Variants in NPLOC4 observed in about 807,000 individuals in gnomAD.
NPLOC4 encodes the protein nuclear protein localization protein 4 homolog.
A neutral mutation model predicts 80.6 loss-of-function variants in NPLOC4; 18 were observed. That is an observed-to-expected ratio of 0.22 (90% CI 0.15 to 0.33). The LOEUF is 0.33. NPLOC4 is among the 10% of genes least tolerant of loss of function. NPLOC4 has a pLI of 1.00. For synonymous variants in NPLOC4, 313 were observed against 301.5 expected, an observed-to-expected ratio of 1.04 and a Z score of -0.39; for missense variants, 540 against 786.1, an observed-to-expected ratio of 0.69 and a Z score of 3.74.
intron 2 of NPLOC4, among the ~76,000 whole-genome samples, chr17:81,625,175 AAGG>A (rs1169040661): frequency 2.0e-5 from 3 of 152,180 alleles, no homozygotes; most frequent in Non-Finnish European, 2.9e-5. Context: ...GAGAGAAAGG[AAGG>A]AGGTCAGAGT....
intron 11 of NPLOC4, among the ~76,000 whole-genome samples, chr17:81,595,602 T>C (rs980847175): frequency 2.3e-4 from 35 of 151,538 alleles, no homozygotes; most frequent in African/African-American, 8.5e-4. Flanking sequence ...TGGAGTGCAC[T>C]GGCACAAACT....
chr17:81,580,772 C>T lies in NPLOC4; in HGVS notation c.1281+8172G>A, dbSNP rs1467123952. Among the ~76,000 whole-genome samples the T allele has an allele frequency of 6.6e-6, 1 of 152,208 alleles. No individual in the cohort carries two copies. Among genetic ancestry groups the T allele is most frequent in the Non-Finnish European group, 1.5e-5 (1 of 68,042 alleles). On this transcript the variant is annotated intron_variant, in intron 12 of 16. Coordinates refer to ENST00000331134, the MANE Select transcript of NPLOC4 (RefSeq NM_017921.4). The surrounding 1 kb of genome is among the most constrained non-coding windows in gnomAD (Gnocchi z 4.4). ...ATTCTCCATGAACTCCAGGGCCTGG[C>T]AATTCACAGGTGTTCTCTAAACATG... is the stretch of plus-strand genomic sequence containing the variant.
intron 12 of NPLOC4, among the ~76,000 whole-genome samples, chr17:81,584,290 A>G (rs1020217640): frequency 3.3e-5 from 5 of 152,224 alleles, no homozygotes; most frequent in South Asian, 4.1e-4. Context: ...AAGTATTTCT[A>G]GCCTATTCTC....
rs2033743449 is a variant in NPLOC4, at chr17:81,558,905, T to TG, written c.*353dup. 1 of 190,978 alleles carries TG rather than the reference T, an allele frequency of 5.2e-6. No individual in the cohort carries two copies. The highest frequency in any genetic ancestry group is 1.1e-5 in the Non-Finnish European group (1 of 93,968). 11.8% of individuals were successfully genotyped at this position (190,978 alleles called of 1,614,324 possible). On this transcript the variant is annotated 3_prime_UTR_variant, in exon 17 of 17. Transcript: ENST00000331134. ...AAAGCACTGAAAATAAAGAGAAGGC[T>TG]GGGTGGTGGCAGCATCGGCCCCTCC...
At chr17:81,630,133 T>G (rs1413661187) in intron 1 of NPLOC4, among the ~76,000 whole-genome samples, 1 of 149,304 alleles carries the variant, frequency 6.7e-6, no homozygotes, top group Non-Finnish European at 1.5e-5. Context: ...AAACCCACCA[T>G]GAACCATGAA....
intron 1 of NPLOC4, among the ~76,000 whole-genome samples, chr17:81,634,136 T>C (rs1218677557): frequency 1.3e-5 from 2 of 151,550 alleles, no homozygotes; most frequent in African/African-American, 2.4e-5. Context: ...CCTTCCAAAG[T>C]GCTAGGATTA....
In NPLOC4 at chr17:81,610,263, G is replaced by A. The variant is rs2035307455; in HGVS notation, c.387-5C>T. Reference sequence around the variant, plus strand: ...CCCAAAGGGCCGTGGCGGCATCTGAGGAGAGTACAAGGCAGAAAAAGGCAG... The same window carrying A: ...CCCAAAGGGCCGTGGCGGCATCTGAAGAGAGTACAAGGCAGAAAAAGGCAG... On this transcript the variant is annotated splice_polypyrimidine_tract_variant and splice_region_variant and intron_variant, in intron 4 of 16. Coordinates refer to ENST00000331134, the MANE Select transcript of NPLOC4 (RefSeq NM_017921.4). 3 of 1,569,356 alleles carry A rather than the reference G, an allele frequency of 1.9e-6. No homozygotes were observed. Among genetic ancestry groups the A allele is most frequent in the Non-Finnish European group, 2.6e-6 (3 of 1,157,634 alleles).
chr17:81,628,743 A>G (rs1288828997), intron 2 of NPLOC4, among the ~76,000 whole-genome samples: 3 of 152,210 alleles, frequency 2.0e-5, no homozygotes, highest in East Asian at 1.9e-4. Context: ...ATATGCAACT[A>G]TCACAGTAAA....
rs560216917 is a variant in NPLOC4 at position 81,580,880 on chromosome 17, C to T, written c.1281+8064G>A. On this transcript the variant is annotated intron_variant, in intron 12 of 16. Transcript: ENST00000331134. This position sits in a 1 kb window ranked among gnomAD's most constrained non-coding sequence, Gnocchi z 4.4. ...TTGGCCACCCAAACACAACAGCTCT[C>T]GCTCCCCGCTCAGCTCTGAAGGGCC... Among the ~76,000 whole-genome samples the T allele has an allele frequency of 3.3e-5, 5 of 152,326 alleles. No individual in the cohort carries two copies. The highest frequency in any genetic ancestry group is 4.8e-5 in the African/African-American group (2 of 41,586).
At chr17:81,613,145 A>C in intron 4 of NPLOC4, 173 bp downstream of exon 4, 1 of 555,930 alleles carries the variant, frequency 1.8e-6, no homozygotes. Flanking sequence ...AAAAACAAAA[A>C]CCGATAAAAA....
At chr17:81,595,536 T>TATA (rs1568139932) in intron 11 of NPLOC4, among the ~76,000 whole-genome samples, 1 of 112,642 alleles carries the variant, frequency 8.9e-6, no homozygotes, top group African/African-American at 3.5e-5. Flanking sequence ...ATATATATAT[T>TATA]TTTTTTTTCT....
chr17:81,627,971 G>A (rs62074735), intron 2 of NPLOC4, among the ~76,000 whole-genome samples: 12,129 of 151,888 alleles, frequency 0.08, 558 homozygotes, highest in Middle Eastern at 0.17. Context: ...AAATATCCTT[G>A]GGAGGCCAAG....
At chr17:81,611,352 T>G (rs539731627) in intron 4 of NPLOC4, among the ~76,000 whole-genome samples, 2 of 151,850 alleles carry the variant, frequency 1.3e-5, no homozygotes, top group East Asian at 2.0e-4. Context: ...GTTTTTTTTT[T>G]GTTTTCTTTT....
chr17:81,580,091 G>GCT lies in NPLOC4; in HGVS notation c.1282-8005_1282-8004dup, dbSNP rs1206891098. 3.9e-5 allele frequency among the ~76,000 whole-genome samples: 6 copies of GCT among 152,054 alleles called. No individual in the cohort carries two copies. Among genetic ancestry groups the GCT allele is most frequent in the African/African-American group, 1.4e-4 (6 of 41,400 alleles). On this transcript the variant is annotated intron_variant, in intron 12 of 16. Transcript: ENST00000331134. This position sits in a 1 kb window ranked among gnomAD's most constrained non-coding sequence, Gnocchi z 4.4. ...TCCTCCCCAGCTCCTGCCTCCCAGTGCTCTCCACCTCATTCCCCCAAGGTG... is the reference window on the plus strand; with the variant it reads ...TCCTCCCCAGCTCCTGCCTCCCAGTGCTCTCTCCACCTCATTCCCCCAAGGTG...
intron 12 of NPLOC4, among the ~76,000 whole-genome samples, chr17:81,585,427 G>A (rs1457353717): frequency 2.0e-5 from 3 of 152,020 alleles, no homozygotes; most frequent in Non-Finnish European, 4.4e-5. Flanking sequence ...ACTTAGGGAG[G>A]CCAAAGTGGG....
chr17:81,576,980 G>C (rs1175054686), intron 12 of NPLOC4, among the ~76,000 whole-genome samples: 1 of 152,168 alleles, frequency 6.6e-6, no homozygotes, highest in African/African-American at 2.4e-5. Context: ...CATAATCCTA[G>C]TTCTAGCAAT....
chr17:81,585,662 G>GGA (rs2144123021), intron 12 of NPLOC4, among the ~76,000 whole-genome samples: 1 of 113,396 alleles, frequency 8.8e-6, no homozygotes, highest in African/African-American at 4.1e-5. Context: ...CTCCATTTCT[G>GGA]GGGGGGGGGG....
At chr17:81,582,708 G>T (rs1406023599) in intron 12 of NPLOC4, among the ~76,000 whole-genome samples, 1 of 152,308 alleles carries the variant, frequency 6.6e-6, no homozygotes, top group South Asian at 2.1e-4. Flanking sequence ...TAGTCTATTA[G>T]TATTCTTTTT....
In NPLOC4 at chr17:81,567,359, G is replaced by A. The variant is rs2034039749; in HGVS notation, c.1566+58C>T. The A allele has an allele frequency of 7.0e-6, 7 of 1,000,382 alleles. No homozygotes were observed. The highest frequency in any genetic ancestry group is 6.8e-5 in the South Asian group (5 of 74,030). 62.0% of individuals were successfully genotyped at this position (1,000,382 alleles called of 1,614,324 possible). ...TGGGAGGAAAGAAAGCAAGACACAG[G>A]CGTCTCTTTGCAGCCAAAGCCCACT... On this transcript the variant is annotated intron_variant, in intron 15 of 16. Transcript: ENST00000331134. This position sits in a 1 kb window ranked among gnomAD's most constrained non-coding sequence, Gnocchi z 4.5.
Sources: gnomAD v4.1 joint callset for allele counts (sites outside exome capture counted in the v4.1 genomes callset) on GRCh38, gnomAD v4.1.1 for gene constraint, Gnocchi (gnomAD v3.1) non-coding constraint, MANE v1.5 for transcripts, NCBI Gene and HGNC (gene_info 2026-07-23, HGNC 2026-07-21) for gene names.